Variants in RXRA observed in about 807,000 individuals in gnomAD.
RXRA encodes the protein retinoic acid receptor RXR-alpha.
A neutral mutation model predicts 44.5 loss-of-function variants in RXRA; 5 were observed. The observed-to-expected ratio is 0.11, with a 90% CI of 0.06 to 0.24. RXRA has a LOEUF of 0.24. RXRA is among the 10% of genes least tolerant of loss of function. The probability of loss-of-function intolerance (pLI) is 1.00; values close to 1 mark genes in which losing one functional copy is unlikely to be tolerated. For synonymous variants in RXRA, 291 were observed against 271.4 expected (o/e 1.07, Z -0.71); for missense variants, 412 against 646.5 (o/e 0.64, Z 3.93).
intron 1 of RXRA, among the ~76,000 whole-genome samples, chr9:134,327,052 C>G (rs1244665359): frequency 6.6e-6 from 1 of 151,934 alleles, no homozygotes; most frequent in Non-Finnish European, 1.5e-5. Flanking sequence ...GCCTGGGGAC[C>G]GGGACGGCGC....
chr9:134,326,732 G>A (rs1383646078), intron 1 of RXRA, 73 bp downstream of exon 1: 7 of 290,268 alleles, frequency 2.4e-5, no homozygotes, highest in Non-Finnish European at 3.5e-5. Context: ...GGCCGGGGGC[G>A]CGTTGGCGGC....
chr9:134,423,822 A>C, intron 6 of RXRA: 1 of 985,448 alleles, frequency 1.0e-6, no homozygotes, highest in Non-Finnish European at 1.2e-6. Context: ...GCCTGACCCC[A>C]GTGGTCCTTG....
At position 134,426,573 on chromosome 9, in the gene RXRA, G is replaced by A. The variant is rs1831438574; in HGVS notation, c.911-2535G>A. 5.1e-6 allele frequency: 5 copies of A among 985,420 alleles called. No homozygotes were observed. Among genetic ancestry groups the A allele is most frequent in the Non-Finnish European group, 4.8e-6 (4 of 829,932 alleles). The allele number at this position is 985,420 out of a possible 1,614,324, so 61.0% of individuals were successfully genotyped here. A position where few individuals can be genotyped will look rare whatever the true frequency, so the allele number is the denominator to read the frequency against. ...CTCCTGACCTGTATCCCGTGCTGAG[G>A]GCCGCACCTCGGCTCAGCAGCGCCT... On this transcript the variant is annotated intron_variant, in intron 6 of 9. Transcript: ENST00000481739. This position sits in a 1 kb window ranked among gnomAD's most constrained non-coding sequence, Gnocchi z 4.6.
chr9:134,401,312 G>A (rs1375179808), intron 1 of RXRA: 4 of 371,780 alleles, frequency 1.1e-5, no homozygotes, highest in African/African-American at 2.1e-5. Context: ...CCAGGTGGAC[G>A]GGCCTGGAGT....
At chr9:134,362,650 C>T (rs928002546) in intron 1 of RXRA, among the ~76,000 whole-genome samples, 5 of 152,232 alleles carry the variant, frequency 3.3e-5, no homozygotes, top group Admixed American at 6.5e-5. Flanking sequence ...ACGGGGCTGA[C>T]GGTTAAGTCG....
At chr9:134,391,138 C>T (rs938249456) in intron 1 of RXRA, among the ~76,000 whole-genome samples, 8 of 152,204 alleles carry the variant, frequency 5.3e-5, no homozygotes, top group African/African-American at 1.4e-4. Context: ...CCAGAGAGGC[C>T]GGCCCCATGC....
At chr9:134,434,250 T>G in intron 9 of RXRA, 43 bp downstream of exon 9, 3 of 1,454,554 alleles carry the variant, frequency 2.1e-6, no homozygotes, top group Non-Finnish European at 2.9e-6. Context: ...ACCCAGGCTC[T>G]TGTCTCCAGA....
chr9:134,359,996 TA>T (rs1830329495), intron 1 of RXRA, among the ~76,000 whole-genome samples: 1 of 152,136 alleles, frequency 6.6e-6, no homozygotes, highest in Non-Finnish European at 1.5e-5. Flanking sequence ...GTCCCTGGGC[TA>T]GGGGTGTGTA....
intron 1 of RXRA, among the ~76,000 whole-genome samples, chr9:134,340,693 C>G (rs1333816126): frequency 2.6e-5 from 4 of 152,218 alleles, no homozygotes; most frequent in African/African-American, 9.7e-5. Context: ...GTGCCTAAGC[C>G]ACATGCCGTC....
chr9:134,328,745 A>T (rs1834955040), intron 1 of RXRA, among the ~76,000 whole-genome samples: 1 of 151,984 alleles, frequency 6.6e-6, no homozygotes, highest in Non-Finnish European at 1.5e-5. Flanking sequence ...CGGCTGGCCG[A>T]CCGGTCAGAC....
chr9:134,422,471 C>T, intron 6 of RXRA: 1 of 1,244,526 alleles, frequency 8.0e-7, no homozygotes, highest in Non-Finnish European at 1.0e-6. Context: ...GACACACTCC[C>T]TGCTACCGGG....
At chr9:134,347,613 G>T (rs1186551833) in intron 1 of RXRA, among the ~76,000 whole-genome samples, 1 of 152,226 alleles carries the variant, frequency 6.6e-6, no homozygotes, top group Non-Finnish European at 1.5e-5. Context: ...TATGCGGAGG[G>T]TCACTGGCCA....
intron 1 of RXRA, among the ~76,000 whole-genome samples, chr9:134,386,818 G>C (rs1830727530): frequency 6.6e-6 from 1 of 152,202 alleles, no homozygotes; most frequent in Non-Finnish European, 1.5e-5. Flanking sequence ...CTCTGGGCAA[G>C]GGTGGGAGCG....
In RXRA at chr9:134,343,232, C is replaced by T. The variant is rs1462146845; in HGVS notation, c.28+16573C>T. Among the ~76,000 whole-genome samples the T allele has an allele frequency of 1.3e-5, 2 of 152,110 alleles. No homozygotes were observed. Among genetic ancestry groups the T allele is most frequent in the East Asian group, 1.9e-4 (1 of 5,164 alleles). ...TGAGTGTCGACTTTCTCATCTGTGA[C>T]GTGGGGTGAGGGCACTTGCTGCCCA... On this transcript the variant is annotated intron_variant, in intron 1 of 9. Transcript: ENST00000481739. The surrounding 1 kb of genome is among the most constrained non-coding windows in gnomAD (Gnocchi z 4.1).
intron 1 of RXRA, among the ~76,000 whole-genome samples, chr9:134,334,174 C>T (rs13440358): frequency 3.3e-5 from 5 of 152,240 alleles, no homozygotes; most frequent in South Asian, 2.1e-4. Flanking sequence ...GAGCTCTCCA[C>T]GTGCCAGCCA....
chr9:134,417,859 C>G lies in RXRA; in HGVS notation c.780+532C>G, dbSNP rs1016765676. ...AGCTCTGCAGCCCCCCAGCTGGTCACCCCCATGCTGACCCTCCTGCCCCCT... is the reference window on the plus strand; with the variant it reads ...AGCTCTGCAGCCCCCCAGCTGGTCAGCCCCATGCTGACCCTCCTGCCCCCT... On this transcript the variant is annotated intron_variant, in intron 5 of 9. Transcript: ENST00000481739. This position sits in a 1 kb window ranked among gnomAD's most constrained non-coding sequence, Gnocchi z 6.1. 5.3e-5 allele frequency among the ~76,000 whole-genome samples: 8 copies of G among 152,050 alleles called. No homozygotes were observed.
chr9:134,398,667 C>T (rs1216789453), intron 1 of RXRA, among the ~76,000 whole-genome samples: 1 of 152,246 alleles, frequency 6.6e-6, no homozygotes, highest in Non-Finnish European at 1.5e-5. Flanking sequence ...GTCCCCCTGA[C>T]TCCCCAGTCT....
At chr9:134,388,241 G>A (rs1436097770) in intron 1 of RXRA, among the ~76,000 whole-genome samples, 2 of 147,220 alleles carry the variant, frequency 1.4e-5, no homozygotes, top group Non-Finnish European at 3.0e-5. Context: ...TGTGCTCTTC[G>A]TCAGGGTTGG....
intron 1 of RXRA, among the ~76,000 whole-genome samples, chr9:134,352,339 G>A (rs1456790212): frequency 2.0e-5 from 3 of 152,080 alleles, no homozygotes; most frequent in Non-Finnish European, 4.4e-5. Context: ...GGGTGAGTAC[G>A]GGAAGGGGCT....
Sources: allele counts gnomAD v4.1 joint callset (sites outside exome capture counted in the v4.1 genomes callset), GRCh38; gene constraint gnomAD v4.1.1; non-coding constraint Gnocchi (gnomAD v3.1); transcripts MANE v1.5; gene names NCBI Gene and HGNC (gene_info 2026-07-23, HGNC 2026-07-21).